The following MYO1E variants were observed in gnomAD, a reference collection of about 807,000 sequenced individuals.
MYO1E encodes the protein myosin IE, also known as unconventional myosin-Ie.
MYO1E carries 68 observed loss-of-function variants against 151.1 expected under a neutral mutation model. That is an observed-to-expected ratio of 0.45 (90% CI 0.37 to 0.55). The LOEUF (loss-of-function observed/expected upper bound fraction) is 0.55. MYO1E is among the 20% of genes least tolerant of loss of function. The probability of loss-of-function intolerance (pLI) is 0.00; values close to 1 mark genes in which losing one functional copy is unlikely to be tolerated. For missense variants in MYO1E, 1,363 were observed against 1,389.3 expected (o/e 0.98, Z 0.30); for synonymous variants, 601 against 501.7 (o/e 1.20, Z -2.64).
chr15:59,290,170 CT>C (rs2080410598), intron 1 of MYO1E, among the ~76,000 whole-genome samples: 8 of 152,160 alleles, frequency 5.3e-5, no homozygotes, highest in Admixed American at 2.0e-4. Context: ...CAGATTTGTA[CT>C]GGTTTGGTGG....
At chr15:59,175,962 AAC>A (rs1438947123) in intron 19 of MYO1E, among the ~76,000 whole-genome samples, 4 of 152,234 alleles carry the variant, frequency 2.6e-5, no homozygotes, top group Admixed American at 6.5e-5. Flanking sequence ...ACAACAGGAA[AAC>A]ACACAAAACA....
intron 1 of MYO1E, among the ~76,000 whole-genome samples, chr15:59,286,892 G>T (rs2140393737): frequency 6.6e-6 from 1 of 152,004 alleles, no homozygotes; most frequent in South Asian, 2.1e-4. Flanking sequence ...AGAGATCTCA[G>T]ACCACAGCTG....
intron 1 of MYO1E, among the ~76,000 whole-genome samples, chr15:59,340,236 G>A (rs1056304195): frequency 6.6e-6 from 1 of 152,090 alleles, no homozygotes; most frequent in Non-Finnish European, 1.5e-5. Flanking sequence ...CTTGAACCCA[G>A]GAGATCGAGG....
chr15:59,245,917 T>C (rs1402736622), intron 4 of MYO1E, among the ~76,000 whole-genome samples: 1 of 152,214 alleles, frequency 6.6e-6, no homozygotes, highest in East Asian at 1.9e-4. Flanking sequence ...ATGACCTTTT[T>C]GTTAAACAGA....
chr15:59,299,202 C>T (rs1189472018), intron 1 of MYO1E, among the ~76,000 whole-genome samples: 3 of 152,208 alleles, frequency 2.0e-5, no homozygotes, highest in African/African-American at 7.2e-5. Flanking sequence ...TGGAAAAACA[C>T]AGGTTTTCCA....
chr15:59,327,975 C>T (rs529376384), intron 1 of MYO1E, among the ~76,000 whole-genome samples: 7 of 152,250 alleles, frequency 4.6e-5, no homozygotes, highest in South Asian at 2.1e-4. Context: ...CCCAGCACTT[C>T]GGAAGCTGTG....
chr15:59,277,564 A>AAAAAAAAAAAAC (rs1555416379), intron 1 of MYO1E, among the ~76,000 whole-genome samples: 158 of 139,780 alleles, frequency 1.1e-3, no homozygotes, highest in African/African-American at 3.6e-3. Context: ...AAAAAAAAAA[A>AAAAAAAAAAAAC]AAAAAAAAAC....
At chr15:59,289,800 A>G (rs1001762406) in intron 1 of MYO1E, among the ~76,000 whole-genome samples, 8 of 152,196 alleles carry the variant, frequency 5.3e-5, no homozygotes, top group African/African-American at 1.9e-4. Flanking sequence ...CAAACTGACC[A>G]TGTCTGATGT....
At chr15:59,294,906 T>C (rs1231609618) in intron 1 of MYO1E, among the ~76,000 whole-genome samples, 2 of 152,188 alleles carry the variant, frequency 1.3e-5, no homozygotes, top group African/African-American at 4.8e-5. Flanking sequence ...GCATGTTCAA[T>C]CTAGTCCATC....
chr15:59,292,426 A>T (rs1160486510), intron 1 of MYO1E, among the ~76,000 whole-genome samples: 1 of 152,230 alleles, frequency 6.6e-6, no homozygotes, highest in African/African-American at 2.4e-5. Flanking sequence ...CAGGCATATG[A>T]GTTCTGAAAT....
In MYO1E at chr15:59,343,285, C is replaced by A. The variant is rs542481553; in HGVS notation, c.3+29213G>T. Reference sequence around the variant, plus strand: ...GGATATTTTTGCCAGATATACCATTCTAGAGTGAACTCTTTTTTTTTTTTT... The same window carrying A: ...GGATATTTTTGCCAGATATACCATTATAGAGTGAACTCTTTTTTTTTTTTT... On this transcript the variant is annotated intron_variant, in intron 1 of 27. Transcript: ENST00000288235. Among the ~76,000 whole-genome samples, 3 of 151,100 alleles carry A rather than the reference C, an allele frequency of 2.0e-5. No individual in the cohort carries two copies. The East Asian group carries it at 5.8e-4, about 29-fold the overall frequency.
chr15:59,149,250 G>A (rs2079462181), intron 26 of MYO1E, among the ~76,000 whole-genome samples: 1 of 151,956 alleles, frequency 6.6e-6, no homozygotes, highest in African/African-American at 2.4e-5. Context: ...TGGAGACGGG[G>A]TTTCACCGTG....
intron 22 of MYO1E, among the ~76,000 whole-genome samples, chr15:59,164,730 G>A (rs2079554924): frequency 1.3e-5 from 2 of 152,192 alleles, no homozygotes; most frequent in African/African-American, 4.8e-5. Context: ...CCCTTGGGCA[G>A]AGAATCTTGG....
intron 18 of MYO1E, among the ~76,000 whole-genome samples, chr15:59,179,752 A>G (rs2079647200): frequency 6.6e-6 from 1 of 152,266 alleles, no homozygotes; most frequent in African/African-American, 2.4e-5. Context: ...TTTAAAGATT[A>G]TCCAGTCTAC....
chr15:59,323,719 T>G (rs1411752078), intron 1 of MYO1E, among the ~76,000 whole-genome samples: 1 of 151,898 alleles, frequency 6.6e-6, no homozygotes, highest in African/African-American at 2.4e-5. Flanking sequence ...GTCTGATGAC[T>G]GCACTGATGT....
intron 1 of MYO1E, among the ~76,000 whole-genome samples, chr15:59,342,205 G>C (rs766739064): frequency 1.4e-4 from 21 of 152,048 alleles, no homozygotes; most frequent in Non-Finnish European, 2.5e-4. Context: ...GATATCTTTT[G>C]CCCATTTTAA....
chr15:59,237,948 G>A (rs865976449), intron 4 of MYO1E, among the ~76,000 whole-genome samples: 47 of 152,128 alleles, frequency 3.1e-4, no homozygotes, highest in African/African-American at 1.0e-3. Context: ...ATGGGGAGGC[G>A]GGAACCATCC....
At chr15:59,209,234 C>T (rs1331653458) in intron 13 of MYO1E, among the ~76,000 whole-genome samples, 11 of 152,198 alleles carry the variant, frequency 7.2e-5, no homozygotes, top group African/African-American at 1.7e-4. Context: ...GGCATCATTT[C>T]GGTAGTTATT....
intron 4 of MYO1E, among the ~76,000 whole-genome samples, chr15:59,248,916 A>C (rs574075937): frequency 6.6e-6 from 1 of 152,344 alleles, no homozygotes; most frequent in Admixed American, 6.5e-5. Context: ...TCCAGGGCAC[A>C]TAATCGGCTG....
Sources: allele counts gnomAD v4.1 joint callset (sites outside exome capture counted in the v4.1 genomes callset), GRCh38; gene constraint gnomAD v4.1.1; transcripts MANE v1.5; gene names NCBI Gene and HGNC (gene_info 2026-07-23, HGNC 2026-07-21).